Variants in DACH2 observed in about 807,000 individuals in gnomAD.
DACH2 encodes the protein dachshund family transcription factor 2, also known as dachshund homolog 2.
A neutral mutation model predicts 35.8 loss-of-function variants in DACH2; 17 were observed. The ratio of observed to expected loss-of-function variants is 0.48; its 90% CI spans 0.33 to 0.71. The LOEUF is 0.71. DACH2 is among the 30% of genes least tolerant of loss of function. The probability of loss-of-function intolerance (pLI) is 0.02; values close to 1 mark genes in which losing one functional copy is unlikely to be tolerated. For synonymous variants in DACH2, 195 were observed against 177.3 expected (o/e 1.10, Z -0.79); for missense variants, 469 against 472.7 (o/e 0.99, Z 0.07).
chrX:86,659,866 G>A (rs1397015038), intron 4 of DACH2, among the ~76,000 whole-genome samples: 5 of 110,097 alleles, frequency 4.5e-5, no homozygotes, highest in Non-Finnish European at 3.8e-5. Flanking sequence ...TCTTCTGTTT[G>A]TATTGTTTTT....
intron 1 of DACH2, among the ~76,000 whole-genome samples, chrX:86,240,437 GATTATTATT>G (rs3034441): frequency 0.37 from 34,618 of 94,763 alleles, 5,301 homozygotes; most frequent in South Asian, 0.72. Flanking sequence ...GGTTGTATCA[GATTATTATT>G]ATTATTATTA....
intron 3 of DACH2, among the ~76,000 whole-genome samples, chrX:86,632,189 T>C (rs965351933): frequency 1.8e-5 from 2 of 111,115 alleles, no homozygotes; most frequent in Non-Finnish European, 3.8e-5. Context: ...TTATGAATTT[T>C]GGTATTAGTA....
intron 3 of DACH2, among the ~76,000 whole-genome samples, chrX:86,546,162 C>A (rs567598383): frequency 3.6e-5 from 4 of 111,497 alleles, no homozygotes; most frequent in African/African-American, 1.3e-4. Flanking sequence ...GGGAATAATT[C>A]ATGCGCAGAT....
chrX:86,406,054 C>A (rs1373330136), intron 2 of DACH2, among the ~76,000 whole-genome samples: 1 of 111,589 alleles, frequency 9.0e-6, no homozygotes, highest in Non-Finnish European at 1.9e-5. Flanking sequence ...GGGCCCCTCC[C>A]ATGACACATG....
In DACH2 at chrX:86,310,981, A is replaced by G. The variant is rs1363897312; in HGVS notation, c.489-65843A>G. On this transcript the variant is annotated intron_variant, in intron 1 of 11. Coordinates refer to ENST00000373125, the MANE Select transcript of DACH2 (RefSeq NM_053281.3). ...GGAGGTTATGCATGGGCTCAGCAAC[A>G]TGAACTTCCACTCACCAGGGCTGAC... 2.9e-4 allele frequency among the ~76,000 whole-genome samples: 32 copies of G among 111,562 alleles called. 1 individual carries two copies. The highest frequency in any genetic ancestry group is 3.0e-4 in the Non-Finnish European group (16 of 53,049).
At chrX:86,363,015 C>T (rs1453452185) in intron 1 of DACH2, among the ~76,000 whole-genome samples, 1 of 109,175 alleles carries the variant, frequency 9.2e-6, no homozygotes, top group Non-Finnish European at 1.9e-5. Context: ...GAAAATAATG[C>T]CAGAATCTAG....
intron 2 of DACH2, among the ~76,000 whole-genome samples, chrX:86,391,947 A>G (rs2036210408): frequency 9.0e-6 from 1 of 111,117 alleles, no homozygotes; most frequent in Non-Finnish European, 1.9e-5. Flanking sequence ...GACACTAATA[A>G]TTTATTTTTC....
intron 1 of DACH2, among the ~76,000 whole-genome samples, chrX:86,312,429 A>G (rs2034819893): frequency 9.0e-6 from 1 of 111,323 alleles, no homozygotes; most frequent in Non-Finnish European, 1.9e-5. Context: ...GGACATGTCT[A>G]TGGGGTCAAG....
chrX:86,466,952 C>T (rs2037681701), intron 2 of DACH2, among the ~76,000 whole-genome samples: 1 of 111,556 alleles, frequency 9.0e-6, no homozygotes, highest in Non-Finnish European at 1.9e-5. Flanking sequence ...CCGCTTTTTC[C>T]TCCTAGGCCT....
intron 2 of DACH2, among the ~76,000 whole-genome samples, chrX:86,396,477 G>C (rs1429033520): frequency 1.0e-5 from 1 of 97,848 alleles, no homozygotes; most frequent in Non-Finnish European, 2.0e-5. Flanking sequence ...CCTATGTCCT[G>C]AATGGTAATG....
intron 2 of DACH2, among the ~76,000 whole-genome samples, chrX:86,502,047 CTTCCTTCT>C (rs1455515144): frequency 4.0e-5 from 4 of 100,994 alleles, no homozygotes; most frequent in Non-Finnish European, 8.2e-5. Context: ...TCCTTCCTTC[CTTCCTTCT>C]TTCTTTCCTT....
At chrX:86,240,437 GATTATTATTATTATTATTATTATT>G (rs3034441) in intron 1 of DACH2, among the ~76,000 whole-genome samples, 48 of 95,107 alleles carry the variant, frequency 5.0e-4, no homozygotes, top group Non-Finnish European at 1.6e-4. Flanking sequence ...GGTTGTATCA[GATTATTATTATTATTATTATTATT>G]ATTATTATTA....
intron 1 of DACH2, among the ~76,000 whole-genome samples, chrX:86,165,586 T>G (rs2030917647): frequency 9.0e-6 from 1 of 111,381 alleles, no homozygotes; most frequent in Non-Finnish European, 1.9e-5. Flanking sequence ...ACAAATGATG[T>G]TGGGCACCTT....
chrX:86,643,680 T>C (rs757017446), intron 3 of DACH2, among the ~76,000 whole-genome samples: 1 of 110,947 alleles, frequency 9.0e-6, no homozygotes, highest in African/African-American at 3.3e-5. Context: ...CAGGTGAATA[T>C]CCTTGATGAA....
intron 2 of DACH2, chrX:86,481,704 C>T (rs926306952): frequency 8.9e-6 from 1 of 111,904 alleles, no homozygotes; most frequent in African/African-American, 3.2e-5. Context: ...TTACATTGTG[C>T]TCACAGTTGA....
At chrX:86,529,631 C>T (rs931510574) in intron 3 of DACH2, among the ~76,000 whole-genome samples, 3 of 109,565 alleles carry the variant, frequency 2.7e-5, no homozygotes, top group Non-Finnish European at 3.8e-5. Context: ...CGCCTCCACA[C>T]CCAGCTAATT....
intron 2 of DACH2, among the ~76,000 whole-genome samples, chrX:86,400,473 A>T (rs771778806): frequency 9.0e-6 from 1 of 110,617 alleles, no homozygotes; most frequent in East Asian, 2.9e-4. Context: ...TATCATTTCC[A>T]GTTTTTCTGC....
intron 5 of DACH2, among the ~76,000 whole-genome samples, chrX:86,709,347 G>A (rs971121803): frequency 2.7e-5 from 3 of 111,388 alleles, no homozygotes; most frequent in Non-Finnish European, 5.7e-5. Context: ...GAACAATTGG[G>A]ATATCACATG....
intron 1 of DACH2, among the ~76,000 whole-genome samples, chrX:86,247,095 T>A (rs1461107910): frequency 8.9e-6 from 1 of 111,874 alleles, no homozygotes; most frequent in African/African-American, 3.2e-5. Flanking sequence ...CATTATATAA[T>A]GGTAAGGTTC....
Sources: gnomAD v4.1 joint callset for allele counts (sites outside exome capture counted in the v4.1 genomes callset) on GRCh38, gnomAD v4.1.1 for gene constraint, MANE v1.5 for transcripts, NCBI Gene and HGNC (gene_info 2026-07-23, HGNC 2026-07-21) for gene names.